Variants in PCDH9 observed in about 807,000 individuals in gnomAD.
PCDH9 encodes protocadherin 9.
In PCDH9, 24 loss-of-function variants were observed where a neutral mutation model predicts 70.6. The ratio of observed to expected loss-of-function variants is 0.34; its 90% CI spans 0.25 to 0.48. The LOEUF is 0.48. PCDH9 is among the 20% of genes least tolerant of loss of function. PCDH9 has a pLI of 0.99. For synonymous variants in PCDH9, 562 were observed against 558.5 expected, an observed-to-expected ratio of 1.01 and a Z score of -0.09; for missense variants, 1,281 against 1,503.6, an observed-to-expected ratio of 0.85 and a Z score of 2.45.
At chr13:66,431,021 T>C (rs1446948763) in intron 4 of PCDH9, among the ~76,000 whole-genome samples, 2 of 152,074 alleles carry the variant, frequency 1.3e-5, no homozygotes, top group African/African-American at 4.8e-5. Flanking sequence ...TGAGCACTGT[T>C]TCAGTAAAAC....
intron 2 of PCDH9, among the ~76,000 whole-genome samples, chr13:66,905,225 T>C (rs2082340749): frequency 1.3e-5 from 2 of 152,152 alleles, no homozygotes; most frequent in African/African-American, 2.4e-5. Flanking sequence ...GTTATTTTCA[T>C]CTGTGATGTC....
intron 4 of PCDH9, among the ~76,000 whole-genome samples, chr13:66,577,581 A>G (rs1352631656): frequency 6.6e-6 from 1 of 152,018 alleles, no homozygotes; most frequent in Non-Finnish European, 1.5e-5. Flanking sequence ...AATACACTGC[A>G]TAGGATAGAT....
At chr13:66,662,793 A>T (rs1051739517) in intron 3 of PCDH9, among the ~76,000 whole-genome samples, 11 of 152,212 alleles carry the variant, frequency 7.2e-5, no homozygotes, top group African/African-American at 2.7e-4. Context: ...AGTAAGGCCT[A>T]AATATTTCAA....
At chr13:66,411,714 A>T (rs1037818260) in intron 4 of PCDH9, among the ~76,000 whole-genome samples, 2 of 152,184 alleles carry the variant, frequency 1.3e-5, no homozygotes, top group African/African-American at 4.8e-5. Context: ...AATACCTTGG[A>T]GGCAGTAAGA....
intron 2 of PCDH9, among the ~76,000 whole-genome samples, chr13:66,912,685 T>G (rs1461954491): frequency 6.6e-6 from 1 of 151,838 alleles, no homozygotes; most frequent in Non-Finnish European, 1.5e-5. Context: ...ATTTGAAAAA[T>G]TATACATTAT....
chr13:66,855,626 C>A (rs550295218), intron 3 of PCDH9, among the ~76,000 whole-genome samples: 31 of 151,998 alleles, frequency 2.0e-4, no homozygotes, highest in African/African-American at 7.5e-4. Context: ...ATATATATAG[C>A]AAACCTCTTA....
chr13:66,740,185 T>C (rs1441600994), intron 3 of PCDH9, among the ~76,000 whole-genome samples: 1 of 143,624 alleles, frequency 7.0e-6, no homozygotes, highest in Non-Finnish European at 1.5e-5. Flanking sequence ...GATTAAGAAT[T>C]TCACTCAAAG....
intron 4 of PCDH9, among the ~76,000 whole-genome samples, chr13:66,324,706 T>G (rs1453928036): frequency 6.6e-6 from 1 of 151,882 alleles, no homozygotes; most frequent in African/African-American, 2.4e-5. Context: ...CAAGGGGAAG[T>G]GTAAAAGAAA....
chr13:67,169,651 C>T (rs2088221948), intron 2 of PCDH9, among the ~76,000 whole-genome samples: 3 of 152,132 alleles, frequency 2.0e-5, no homozygotes, highest in Admixed American at 2.0e-4. Context: ...AATGTCAACT[C>T]ATATAGAATC....
In PCDH9 at chr13:66,308,744, G is replaced by C. The variant is rs144282786; in HGVS notation, c.3341-3716C>G. On this transcript the variant is annotated intron_variant, in intron 4 of 4. Transcript: ENST00000377865. ...AAAAACAGCAATGTCAAATTATCTA[G>C]TATCAAAGCATTTGCTTAGGGAGGT... Among the ~76,000 whole-genome samples, 972 of 152,070 alleles carry C rather than the reference G, an allele frequency of 6.4e-3. 11 individuals carry two copies. The highest frequency in any genetic ancestry group is 0.022 in the African/African-American group (919 of 41,534).
intron 3 of PCDH9, among the ~76,000 whole-genome samples, chr13:66,782,161 ATGT>A (rs889873565): frequency 6.6e-6 from 1 of 152,116 alleles, no homozygotes; most frequent in Non-Finnish European, 1.5e-5. Context: ...CCAACTGCAG[ATGT>A]TGTTAAGAAT....
chr13:66,648,098 C>A (rs537448933), intron 3 of PCDH9, among the ~76,000 whole-genome samples: 8 of 152,232 alleles, frequency 5.3e-5, no homozygotes, highest in Non-Finnish European at 8.8e-5. Flanking sequence ...TTCCAGACAA[C>A]ATCCCTGAAT....
chr13:66,633,815 T>C (rs1044461788), intron 3 of PCDH9, among the ~76,000 whole-genome samples: 1 of 152,212 alleles, frequency 6.6e-6, no homozygotes. Flanking sequence ...TTTTTTAACA[T>C]AGTTAACACT....
intron 4 of PCDH9, among the ~76,000 whole-genome samples, chr13:66,520,789 TA>T (rs2138608524): frequency 6.6e-6 from 1 of 152,304 alleles, no homozygotes; most frequent in East Asian, 1.9e-4. Context: ...TCTTATGTCT[TA>T]ATTCATAACC....
At chr13:66,515,344 C>G (rs1959681423) in intron 4 of PCDH9, among the ~76,000 whole-genome samples, 1 of 151,920 alleles carries the variant, frequency 6.6e-6, no homozygotes, top group Non-Finnish European at 1.5e-5. Context: ...TGTTTAGTAA[C>G]TATATGTGAA....
chr13:66,529,044 T>C (rs1274383873), intron 4 of PCDH9, among the ~76,000 whole-genome samples: 1 of 152,066 alleles, frequency 6.6e-6, no homozygotes. Context: ...CCTCCTTTAA[T>C]CTCCTCTAAC....
At chr13:66,732,428 A>G (rs570787169) in intron 3 of PCDH9, among the ~76,000 whole-genome samples, 1 of 152,142 alleles carries the variant, frequency 6.6e-6, no homozygotes, top group South Asian at 2.1e-4. Context: ...GACTCAAATA[A>G]TATTTACATG....
intron 4 of PCDH9, among the ~76,000 whole-genome samples, chr13:66,613,227 G>A (rs1024335773): frequency 6.6e-6 from 1 of 152,096 alleles, no homozygotes; most frequent in Non-Finnish European, 1.5e-5. Flanking sequence ...CCAGCCATTC[G>A]CCACTGCTGC....
chr13:66,323,839 CACAT>C (rs1955795795), intron 4 of PCDH9, among the ~76,000 whole-genome samples: 2 of 151,906 alleles, frequency 1.3e-5, no homozygotes, highest in Non-Finnish European at 2.9e-5. Context: ...TCTGAGGAAA[CACAT>C]ACACTTGTCA....
Sources: gnomAD v4.1 joint callset for allele counts (sites outside exome capture counted in the v4.1 genomes callset) on GRCh38, gnomAD v4.1.1 for gene constraint, MANE v1.5 for transcripts, NCBI Gene and HGNC (gene_info 2026-07-23, HGNC 2026-07-21) for gene names.